The following RSPRY1 variants were observed in gnomAD, a reference collection of about 807,000 sequenced individuals.
The protein encoded by RSPRY1 is RING finger and SPRY domain-containing protein 1.
Under a neutral mutation model 73.1 loss-of-function variants are expected in RSPRY1, and 23 were observed. The observed-to-expected ratio is 0.31, with a 90% CI of 0.23 to 0.45. The LOEUF is 0.45. Among genes scored for constraint, RSPRY1 ranks in the 20% least tolerant of loss-of-function variants. The pLI, the probability that RSPRY1 is intolerant of heterozygous loss-of-function variation, is 1.00. For missense variants in RSPRY1, 448 were observed against 698.7 expected (o/e 0.64, Z 4.05); for synonymous variants, 226 against 251.4 (o/e 0.90, Z 0.95).
intron 10 of RSPRY1, among the ~76,000 whole-genome samples, chr16:57,222,482 G>A (rs889249191): frequency 2.6e-5 from 4 of 152,180 alleles, no homozygotes; most frequent in Non-Finnish European, 5.9e-5. Context: ...TCCTAGGCTG[G>A]AGAGAGACAA....
Position 57,204,879 on chromosome 16 carries a change from G to A in RSPRY1, c.221G>A (p.Arg74Lys), listed in dbSNP as rs199640592. Residue 74 changes from arginine to lysine, a missense_variant, in exon 2 of 15, where the codon AGG becomes AAG. By Grantham distance (26) the Arg-to-Lys change is conservative. Coordinates refer to ENST00000394420, the MANE Select transcript of RSPRY1 (RefSeq NM_133368.3). ...AGTGCAGTACCCACTGCTGACACAA[G>A]GAGCCAACCACGGGACCCTGTTCGG... Reference protein sequence around the residue: ...ENSAVPTADTRSQPRDPVRPP... With the variant: ...ENSAVPTADTKSQPRDPVRPP... The A allele has an allele frequency of 6.2e-7, 1 of 1,614,210 alleles. No homozygotes were observed. Among genetic ancestry groups the A allele is most frequent in the East Asian group, 2.2e-5 (1 of 44,886 alleles).
rs1304394506 is a variant in RSPRY1 at position 57,204,742 on chromosome 16, C to T, written c.84C>T (p.Ala28=). The T allele has an allele frequency of 6.2e-7, 1 of 1,614,210 alleles. No individual in the cohort carries two copies. Among genetic ancestry groups the T allele is most frequent in the Non-Finnish European group, 8.5e-7 (1 of 1,180,044 alleles). The part of the protein sequence containing the change: ...GLLLTLEEHI[A]HFLGTGGAAT... Reference sequence around the variant, plus strand: ...TGTTGACTCTCGAAGAGCACATAGCCCACTTCCTAGGGACTGGAGGTGCCG... The same window carrying T: ...TGTTGACTCTCGAAGAGCACATAGCTCACTTCCTAGGGACTGGAGGTGCCG... The change falls in exon 2 of 15, where the codon GCC becomes GCT. Residue 28 remains alanine, a synonymous_variant. Coordinates refer to ENST00000394420, the MANE Select transcript of RSPRY1 (RefSeq NM_133368.3).
chr16:57,201,839 A>G (rs2074618372), intron 1 of RSPRY1, among the ~76,000 whole-genome samples: 2 of 152,224 alleles, frequency 1.3e-5, no homozygotes, highest in African/African-American at 4.8e-5. Flanking sequence ...CGCGCCTGCA[A>G]TCGCAGGCAC....
chr16:57,191,588 C>T (rs551977210), intron 1 of RSPRY1, among the ~76,000 whole-genome samples: 205 of 152,128 alleles, frequency 1.3e-3, no homozygotes, highest in Non-Finnish European at 2.7e-3. Flanking sequence ...TGTCAGTTTT[C>T]ATCATGATTC....
chr16:57,232,580 C>G (rs1221315961), intron 13 of RSPRY1, among the ~76,000 whole-genome samples: 1 of 152,090 alleles, frequency 6.6e-6, no homozygotes, highest in Non-Finnish European at 1.5e-5. Context: ...TTGGATGAAG[C>G]CCACAAATAA....
chr16:57,210,364 G>A (rs1044005122), intron 4 of RSPRY1, among the ~76,000 whole-genome samples: 1 of 152,148 alleles, frequency 6.6e-6, no homozygotes, highest in East Asian at 1.9e-4. Flanking sequence ...ATACGTGTAA[G>A]CCACTGTGCC....
At chr16:57,194,530 C>T (rs1173348492) in intron 1 of RSPRY1, among the ~76,000 whole-genome samples, 1 of 152,156 alleles carries the variant, frequency 6.6e-6, no homozygotes, top group East Asian at 1.9e-4. Context: ...CAGGATGTTA[C>T]ACATTTTGCT....
intron 2 of RSPRY1, among the ~76,000 whole-genome samples, chr16:57,206,350 G>A (rs1399833390): frequency 6.6e-6 from 1 of 152,096 alleles, no homozygotes; most frequent in Non-Finnish European, 1.5e-5. Context: ...CAGCTGCAGT[G>A]AGCTATGATC....
rs373914013 is a variant in RSPRY1 at position 57,192,708 on chromosome 16, CTTTTTTTTTTT to C, written c.-156+6267_-156+6277del. On this transcript the variant is annotated intron_variant, in intron 1 of 14. Coordinates refer to ENST00000394420, the MANE Select transcript of RSPRY1 (RefSeq NM_133368.3). ...TTAGAGGAAGGTTTTTCCAGAGACT[CTTTTTTTTTTT>C]TTTTTTTTTAAGGTCTCACTCTGTC... Among the ~76,000 whole-genome samples the C allele has an allele frequency of 9.1e-3, 1,125 of 123,590 alleles. 16 individuals are homozygous for C. The highest frequency in any genetic ancestry group is 0.031 in the African/African-American group (1,057 of 33,732). The allele number at this position is 123,590 out of a possible 152,430, so 81.1% of individuals were successfully genotyped here.
chr16:57,210,551 G>A (rs891186995), intron 4 of RSPRY1, among the ~76,000 whole-genome samples: 7 of 151,568 alleles, frequency 4.6e-5, no homozygotes, highest in African/African-American at 1.5e-4. Context: ...AAAATACCCC[G>A]TCTCTACTAA....
intron 4 of RSPRY1, among the ~76,000 whole-genome samples, chr16:57,211,758 A>G (rs1338248658): frequency 1.4e-5 from 2 of 140,954 alleles, no homozygotes; most frequent in Non-Finnish European, 3.1e-5. Context: ...GGCATCTTTC[A>G]TTTTTAAGAT....
At chr16:57,211,045 A>G (rs1220585105) in intron 4 of RSPRY1, among the ~76,000 whole-genome samples, 1 of 152,166 alleles carries the variant, frequency 6.6e-6, no homozygotes, top group Non-Finnish European at 1.5e-5. Flanking sequence ...TTCAGAAGCT[A>G]GAAGAGAATG....
At position 57,239,688 on chromosome 16, in the gene RSPRY1, T is replaced by A. The variant is rs2075351550; in HGVS notation, c.*713T>A. ...TTTCTATCCAATTTCAGTACCCACA[T>A]TTAATGAGGAAAAAATGTTTTACCA... On this transcript the variant is annotated 3_prime_UTR_variant, in exon 15 of 15. Transcript: ENST00000394420. 1.3e-5 allele frequency: 2 copies of A among 151,896 alleles called. No individual in the cohort carries two copies. The allele number at this position is 151,896 out of a possible 1,614,324, so 9.4% of individuals were successfully genotyped here.
intron 1 of RSPRY1, among the ~76,000 whole-genome samples, chr16:57,190,293 T>TG (rs2074331846): frequency 6.6e-6 from 1 of 152,096 alleles, no homozygotes; most frequent in South Asian, 2.1e-4. Context: ...CTCTTGAGCC[T>TG]GGGAGGTTGA....
intron 13 of RSPRY1, among the ~76,000 whole-genome samples, chr16:57,233,952 G>A (rs2075264449): frequency 6.6e-6 from 1 of 152,132 alleles, no homozygotes; most frequent in East Asian, 1.9e-4. Flanking sequence ...AGAATGATTT[G>A]TTACAACGTA....
Position 57,213,110 on chromosome 16 carries a change from A to C in RSPRY1, c.643+12A>C. On this transcript the variant is annotated intron_variant, in intron 5 of 14. Coordinates refer to ENST00000394420, the MANE Select transcript of RSPRY1 (RefSeq NM_133368.3). Reference sequence around the variant, plus strand: ...CGAGAAACTAGCAGGTAACTTTGGGACACTCCACAGTGGAAGATCTTAAGT... The same window carrying C: ...CGAGAAACTAGCAGGTAACTTTGGGCCACTCCACAGTGGAAGATCTTAAGT... 1 of 1,609,748 alleles carries C rather than the reference A, an allele frequency of 6.2e-7. No homozygotes were observed. The highest frequency in any genetic ancestry group is 8.5e-7 in the Non-Finnish European group (1 of 1,177,946).
rs531898231 is a variant in RSPRY1 at position 57,208,265 on chromosome 16, T to C, written c.403+155T>C. Among the ~76,000 whole-genome samples the C allele has an allele frequency of 3.2e-4, 47 of 149,118 alleles. 1 individual carries two copies. The highest frequency in any genetic ancestry group is 1.1e-3 in the African/African-American group (43 of 40,876). On this transcript the variant is annotated intron_variant, in intron 3 of 14. Coordinates refer to ENST00000394420, the MANE Select transcript of RSPRY1 (RefSeq NM_133368.3). ...AAAAAAGCCCTTACTGTATGGAAAT[T>C]TCCCTGAATAGGTATAATAGGCAAT...
intron 1 of RSPRY1, chr16:57,186,724 C>T (rs190535582): frequency 6.6e-6 from 1 of 151,806 alleles, no homozygotes; most frequent in East Asian, 1.9e-4. Context: ...TTTCGGGGGT[C>T]CTCACCAGAA....
At chr16:57,201,864 C>T (rs4238793) in intron 1 of RSPRY1, among the ~76,000 whole-genome samples, 5,479 of 152,220 alleles carry the variant, frequency 0.036, 285 homozygotes, top group East Asian at 0.22. Flanking sequence ...CAGGCTGAGG[C>T]AGGAGAATCA....
Sources: gnomAD v4.1 joint callset for allele counts (sites outside exome capture counted in the v4.1 genomes callset) on GRCh38, gnomAD v4.1.1 for gene constraint, MANE v1.5 for transcripts, NCBI Gene and HGNC (gene_info 2026-07-23, HGNC 2026-07-21) for gene names.